Variants in NFATC2 observed in about 807,000 individuals in gnomAD.
NFATC2 encodes the protein nuclear factor of activated T cells 2.
A neutral mutation model predicts 87.3 loss-of-function variants in NFATC2; 22 were observed. That is an observed-to-expected ratio of 0.25 (90% CI 0.18 to 0.36). The LOEUF (loss-of-function observed/expected upper bound fraction) is 0.36, where lower values mean the gene tolerates loss of function less well. NFATC2 is among the 10% of genes least tolerant of loss of function. NFATC2 has a pLI of 1.00. For missense variants in NFATC2, 1,149 were observed against 1,259.1 expected, an observed-to-expected ratio of 0.91 and a Z score of 1.32; for synonymous variants, 565 against 542.2, an observed-to-expected ratio of 1.04 and a Z score of -0.58.
At chr20:51,445,252 C>G (rs112753182) in intron 6 of NFATC2, among the ~76,000 whole-genome samples, 1 of 152,152 alleles carries the variant, frequency 6.6e-6, no homozygotes. Flanking sequence ...ACCAGCCGCC[C>G]GGGCCTGCTT....
At chr20:51,486,023 C>T (rs1989683600) in intron 3 of NFATC2, among the ~76,000 whole-genome samples, 1 of 151,994 alleles carries the variant, frequency 6.6e-6, no homozygotes, top group Non-Finnish European at 1.5e-5. Context: ...CCAGCCTGGC[C>T]AACATGGTGA....
intron 6 of NFATC2, among the ~76,000 whole-genome samples, chr20:51,454,018 A>G (rs1357825837): frequency 6.6e-6 from 1 of 152,244 alleles, no homozygotes; most frequent in Admixed American, 6.5e-5. Context: ...CAAGTAGCCA[A>G]TATTAATTGG....
chr20:51,459,196 T>C (rs1986880762), intron 5 of NFATC2, among the ~76,000 whole-genome samples: 1 of 152,210 alleles, frequency 6.6e-6, no homozygotes, highest in South Asian at 2.1e-4. Flanking sequence ...GCGTGGTCTA[T>C]CCATGCAGAA....
chr20:51,530,991 C>G (rs1254102707), intron 1 of NFATC2, among the ~76,000 whole-genome samples: 1 of 152,188 alleles, frequency 6.6e-6, no homozygotes, highest in Non-Finnish European at 1.5e-5. Flanking sequence ...GCAGAAAAAG[C>G]AGCTAAAATA....
intron 6 of NFATC2, among the ~76,000 whole-genome samples, chr20:51,437,056 C>G (rs754106623): frequency 8.0e-5 from 12 of 149,336 alleles, no homozygotes; most frequent in Non-Finnish European, 1.2e-4. Context: ...GCTCAGTAAA[C>G]TCTCCTGTCC....
At chr20:51,446,594 C>T (rs6096435) in intron 6 of NFATC2, among the ~76,000 whole-genome samples, 17 of 152,326 alleles carry the variant, frequency 1.1e-4, no homozygotes, top group African/African-American at 4.1e-4. Flanking sequence ...AAACTCATTT[C>T]TCTGTGGCCT....
At chr20:51,542,277 G>C (rs2076831325) in intron 1 of NFATC2, 93 bp downstream of exon 1, 2 of 1,453,666 alleles carry the variant, frequency 1.4e-6, no homozygotes, top group Middle Eastern at 1.9e-4. Flanking sequence ...TTAGGAAGGG[G>C]GACGGCTGGA....
At chr20:51,533,159 C>T (rs1312303976) in intron 1 of NFATC2, among the ~76,000 whole-genome samples, 5 of 152,252 alleles carry the variant, frequency 3.3e-5, no homozygotes, top group South Asian at 2.1e-4. Flanking sequence ...TCCTGCCACT[C>T]GCCCCGACAA....
chr20:51,420,236 A>G (rs1980683203), intron 9 of NFATC2, among the ~76,000 whole-genome samples: 1 of 152,238 alleles, frequency 6.6e-6, no homozygotes, highest in Non-Finnish European at 1.5e-5. Flanking sequence ...ATTAGAATAG[A>G]ATATCACCAT....
chr20:51,531,448 G>A (rs1377340846), intron 1 of NFATC2, among the ~76,000 whole-genome samples: 1 of 152,200 alleles, frequency 6.6e-6, no homozygotes, highest in African/African-American at 2.4e-5. Context: ...GTGAATATGT[G>A]GAGAAATCTC....
intron 5 of NFATC2, among the ~76,000 whole-genome samples, chr20:51,470,576 C>T (rs1988111434): frequency 1.3e-5 from 2 of 152,178 alleles, no homozygotes; most frequent in Admixed American, 1.3e-4. Context: ...ATAAATTAGC[C>T]TTGCAAATAA....
intron 9 of NFATC2, among the ~76,000 whole-genome samples, chr20:51,420,613 T>A (rs1232921568): frequency 1.3e-5 from 2 of 152,126 alleles, no homozygotes; most frequent in Non-Finnish European, 2.9e-5. Flanking sequence ...CTAGATTTAA[T>A]CTAGGGGAAG....
chr20:51,456,611 C>A (rs774168017), intron 5 of NFATC2, among the ~76,000 whole-genome samples: 142 of 152,222 alleles, frequency 9.3e-4, no homozygotes, highest in Non-Finnish European at 1.8e-3. Context: ...CTCCTTCCAG[C>A]GTGGGCCAAG....
At chr20:51,435,601 G>A (rs2146352749) in intron 7 of NFATC2, 105 bp downstream of exon 7, 1 of 1,270,802 alleles carries the variant, frequency 7.9e-7, no homozygotes, top group South Asian at 1.3e-5. Flanking sequence ...GTTAGGTCCA[G>A]AGCTCTGGGG....
At chr20:51,547,783 C>G (rs561893908) in intron 1 of NFATC2, among the ~76,000 whole-genome samples, 1 of 152,292 alleles carries the variant, frequency 6.6e-6, no homozygotes, top group South Asian at 2.1e-4. Context: ...TTTTCTCATG[C>G]CCACGTGCAA....
chr20:51,441,751 C>A (rs1984380602), intron 6 of NFATC2, among the ~76,000 whole-genome samples: 3 of 148,720 alleles, frequency 2.0e-5, no homozygotes, highest in East Asian at 2.0e-4. Context: ...GTTAATATTA[C>A]TGAACTTAAG....
intron 6 of NFATC2, 28 bp from the exon 7 acceptor site, chr20:51,435,789 T>C (rs748163742): frequency 3.2e-6 from 5 of 1,571,616 alleles, no homozygotes; most frequent in Non-Finnish European, 4.3e-6. Context: ...TGACAGACTT[T>C]GAAGGAACTA....
chr20:51,541,564 G>A (rs78212412), intron 1 of NFATC2, among the ~76,000 whole-genome samples: 1 of 152,152 alleles, frequency 6.6e-6, no homozygotes, highest in South Asian at 2.1e-4. Flanking sequence ...TGGAGGCACA[G>A]AGTGACAAAG....
intron 9 of NFATC2, among the ~76,000 whole-genome samples, chr20:51,414,745 T>C (rs979024857): frequency 6.6e-6 from 1 of 150,780 alleles, no homozygotes; most frequent in Admixed American, 6.6e-5. Context: ...GGTTAAGGCA[T>C]GGGCAAAGGT....
Sources: allele counts gnomAD v4.1 joint callset (sites outside exome capture counted in the v4.1 genomes callset), GRCh38; gene constraint gnomAD v4.1.1; transcripts MANE v1.5; gene names NCBI Gene and HGNC (gene_info 2026-07-23, HGNC 2026-07-21).